Variants in CUBN observed in about 807,000 individuals in gnomAD.
CUBN encodes the protein cubilin, also known as 460 kDa receptor.
In CUBN, 282 loss-of-function variants were observed where a neutral mutation model predicts 405.3. That is an observed-to-expected ratio of 0.70 (90% CI 0.63 to 0.77). The LOEUF is 0.77. CUBN is among the 30% of genes least tolerant of loss of function. The pLI, the probability that CUBN is intolerant of heterozygous loss-of-function variation, is 0.00. For missense variants in CUBN, 4,514 were observed against 4,475.2 expected (o/e 1.01, Z -0.25); for synonymous variants, 1,684 against 1,617.0 (o/e 1.04, Z -0.99).
At chr10:16,933,550 C>T (rs779754515) in intron 39 of CUBN, among the ~76,000 whole-genome samples, 7 of 152,164 alleles carry the variant, frequency 4.6e-5, no homozygotes, top group Admixed American at 1.3e-4. Flanking sequence ...CAAGTGCTGA[C>T]TATTTAGGCA....
intron 12 of CUBN, among the ~76,000 whole-genome samples, chr10:17,104,080 A>T (rs1454255161): frequency 2.0e-5 from 3 of 152,234 alleles, no homozygotes; most frequent in Admixed American, 2.0e-4. Flanking sequence ...GATTCAATGC[A>T]GTACTCTAGG....
intron 21 of CUBN, 127 bp from the exon 22 acceptor site, chr10:17,065,765 C>T: frequency 9.0e-7 from 1 of 1,116,278 alleles, no homozygotes; most frequent in Middle Eastern, 2.1e-4. Context: ...AACCTTAAAA[C>T]ACAAATATAT....
rs1174435624 is a variant in CUBN, at chr10:17,071,971, C to T, written c.2302G>A (p.Val768Ile). Residue 768 changes from valine to isoleucine, a missense_variant and splice_region_variant, in exon 18 of 67, where the codon GTT becomes ATT. By Grantham distance (29) the Val-to-Ile change is conservative. Transcript: ENST00000377833. The stretch of plus-strand genomic sequence containing the variant: ...CCAAGTAAGGTTTCACCATCTCGAA[C>T]CTAAAGAGAAAAATAAAATAGAGAT... ...QSDSSQNYIE[V>I]RDGETLLGKV... 6.2e-7 allele frequency: 1 copy of T among 1,609,676 alleles called. No individual in the cohort carries two copies. Among genetic ancestry groups the T allele is most frequent in the Admixed American group, 1.7e-5 (1 of 59,734 alleles).
intron 11 of CUBN, 134 bp from the exon 12 acceptor site, chr10:17,104,739 T>A (rs1836581350): frequency 4.5e-6 from 1 of 220,672 alleles, no homozygotes; most frequent in African/African-American, 2.4e-5. Flanking sequence ...ATATATAAAA[T>A]AATATATAAT....
chr10:16,836,088 G>A, intron 63 of CUBN, 147 bp downstream of exon 63: 1 of 762,378 alleles, frequency 1.3e-6, no homozygotes, highest in East Asian at 2.7e-5. Context: ...AAATTGGGCT[G>A]GGTTCTAGTT....
chr10:16,938,814 G>T, intron 38 of CUBN, 149 bp downstream of exon 38: 1 of 683,784 alleles, frequency 1.5e-6, no homozygotes. Context: ...CTTTGTCCAT[G>T]TAATCTAGAG....
intron 9 of CUBN, 127 bp downstream of exon 9, chr10:17,110,792 G>A (rs1836755545): frequency 7.2e-7 from 1 of 1,397,570 alleles, no homozygotes. Context: ...CAAAGTGCTG[G>A]GATTACAGGC....
In CUBN at chr10:17,068,760, C is replaced by G; in HGVS notation, c.2636G>C (p.Ser879Thr). 1 of 1,610,698 alleles carries G rather than the reference C, an allele frequency of 6.2e-7. No individual in the cohort carries two copies. Among genetic ancestry groups the G allele is most frequent in the Non-Finnish European group, 8.5e-7 (1 of 1,177,188 alleles). Residue 879 changes from serine (S) to threonine (T), a missense_variant, in exon 20 of 67, where the codon AGT (serine) becomes ACT (threonine). Ser to Thr is a moderately conservative substitution (Grantham distance 58, BLOSUM62 1). Around this residue, in one of 5 missense-constraint regions of CUBN, gnomAD observed 1,448 missense variants for 1,388.0 expected, o/e 1.04. Transcript: ENST00000377833. ...CETDYVEIGS[S>T]SILGSPENKK... ...ATTTTCAGGAGAACCCAAAATGGAA[C>G]TGCTACCAATCTAAAATTAGAGAAG...
intron 28 of CUBN, among the ~76,000 whole-genome samples, chr10:17,003,952 C>T (rs563574691): frequency 5.9e-5 from 9 of 152,306 alleles, no homozygotes; most frequent in South Asian, 4.1e-4. Context: ...TTCCTTACTA[C>T]GTTAAGTTCA....
At position 16,853,815 on chromosome 10, in the gene CUBN, A is replaced by G. The variant is rs1358397948; in HGVS notation, c.9455-2372T>C. 2.0e-5 allele frequency among the ~76,000 whole-genome samples: 3 copies of G among 152,250 alleles called. No homozygotes were observed. In the East Asian group the frequency reaches 5.8e-4, roughly 29 times the overall value. ...GCAGCTTTGATTCCAGTGTGAACTGACTGTTACTTAAGGAAACCACTTAAG... is the reference window on the plus strand; with the variant it reads ...GCAGCTTTGATTCCAGTGTGAACTGGCTGTTACTTAAGGAAACCACTTAAG... On this transcript the variant is annotated intron_variant, in intron 59 of 66. Transcript: ENST00000377833.
intron 60 of CUBN, among the ~76,000 whole-genome samples, chr10:16,847,039 T>C (rs1839535491): frequency 6.6e-6 from 1 of 152,154 alleles, no homozygotes; most frequent in Non-Finnish European, 1.5e-5. Flanking sequence ...TAGAAAGCCT[T>C]TCCTAGCCAA....
chr10:16,903,813 TA>T (rs1329592271), intron 51 of CUBN, among the ~76,000 whole-genome samples, 152 bp downstream of exon 51: 3 of 151,122 alleles, frequency 2.0e-5, no homozygotes, highest in Non-Finnish European at 3.0e-5. Context: ...CACAACCAAT[TA>T]AAAAATGTAA....
intron 38 of CUBN, among the ~76,000 whole-genome samples, chr10:16,938,541 G>T (rs1011230202): frequency 6.6e-6 from 1 of 152,078 alleles, no homozygotes; most frequent in Non-Finnish European, 1.5e-5. Context: ...GCATCCGATT[G>T]TGTTTCTGGA....
At chr10:17,073,942 G>A (rs1301140276) in intron 17 of CUBN, among the ~76,000 whole-genome samples, 1 of 152,198 alleles carries the variant, frequency 6.6e-6, no homozygotes, top group African/African-American at 2.4e-5. Context: ...AATGGAAAAT[G>A]TTGACTAAGG....
chr10:16,995,209 G>C (rs974235498), intron 28 of CUBN, among the ~76,000 whole-genome samples: 1 of 152,218 alleles, frequency 6.6e-6, no homozygotes, highest in Non-Finnish European at 1.5e-5. Context: ...AGTTTTCATG[G>C]AGTAGACACG....
chr10:17,071,133 G>C (rs1404661302), intron 19 of CUBN, among the ~76,000 whole-genome samples: 2 of 152,072 alleles, frequency 1.3e-5, no homozygotes, highest in African/African-American at 2.4e-5. Flanking sequence ...GGTGATCATG[G>C]AGTTTTTGTT....
rs187956954 is a variant in CUBN, at chr10:16,930,979, A to G, written c.6124+2108T>C. 2.2e-3 allele frequency among the ~76,000 whole-genome samples: 333 copies of G among 152,228 alleles called. 6 individuals carry two copies. Among genetic ancestry groups the G allele is most frequent in the Admixed American group, 0.02 (298 of 15,280 alleles). On this transcript the variant is annotated intron_variant, in intron 40 of 66. Coordinates refer to ENST00000377833, the MANE Select transcript of CUBN (RefSeq NM_001081.4). The stretch of plus-strand genomic sequence containing the variant: ...GGGATTTAAAATTTAGTCATAGGCC[A>G]GGTGTGGTGGCTCACACCTGTAATC...
At chr10:17,008,000 A>G (rs1369755802) in intron 28 of CUBN, among the ~76,000 whole-genome samples, 6 of 152,070 alleles carry the variant, frequency 3.9e-5, no homozygotes, top group African/African-American at 1.2e-4. Flanking sequence ...AAAAAATACA[A>G]AAGTTAACTG....
intron 27 of CUBN, among the ~76,000 whole-genome samples, chr10:17,037,187 T>A (rs1194137236): frequency 6.6e-6 from 1 of 152,200 alleles, no homozygotes; most frequent in Non-Finnish European, 1.5e-5. Flanking sequence ...AAAGAACTTA[T>A]CATTTAAGAG....
Sources: gnomAD v4.1 joint callset for allele counts (sites outside exome capture counted in the v4.1 genomes callset) on GRCh38, gnomAD v4.1.1 for gene constraint, gnomAD v4.1.1 regional missense constraint, MANE v1.5 for transcripts, NCBI Gene and HGNC (gene_info 2026-07-23, HGNC 2026-07-21) for gene names.